Variants in PLXNA4 observed in about 807,000 individuals in gnomAD.
PLXNA4 encodes the protein plexin-A4.
Under a neutral mutation model 191.8 loss-of-function variants are expected in PLXNA4, and 44 were observed. That is an observed-to-expected ratio of 0.23 (90% CI 0.18 to 0.29). The LOEUF is 0.29. Ranked by LOEUF, PLXNA4 falls within the 10% of genes least tolerant of loss-of-function variation. PLXNA4 has a pLI of 1.00. For synonymous variants in PLXNA4, 1,082 were observed against 1,009.5 expected (o/e 1.07, Z -1.36); for missense variants, 1,800 against 2,488.8 (o/e 0.72, Z 5.89).
intron 16 of PLXNA4, among the ~76,000 whole-genome samples, chr7:132,183,688 C>CT (rs1796785270): frequency 6.6e-6 from 1 of 152,230 alleles, no homozygotes; most frequent in Non-Finnish European, 1.5e-5. Context: ...GCATGGCTTT[C>CT]TACAGACGAT....
At chr7:132,243,739 C>T (rs1798956681) in intron 4 of PLXNA4, among the ~76,000 whole-genome samples, 1 of 146,848 alleles carries the variant, frequency 6.8e-6, no homozygotes, top group Non-Finnish European at 1.5e-5. Context: ...TGGTCTGGCA[C>T]TTTATAAGTG....
intron 1 of PLXNA4, among the ~76,000 whole-genome samples, chr7:132,559,441 G>C (rs1030232496): frequency 4.6e-5 from 7 of 152,220 alleles, no homozygotes; most frequent in Non-Finnish European, 1.0e-4. Flanking sequence ...CAATTTTGCA[G>C]CTAAAGACAT....
At chr7:132,369,779 T>C (rs1303592731) in intron 3 of PLXNA4, among the ~76,000 whole-genome samples, 1 of 151,208 alleles carries the variant, frequency 6.6e-6, no homozygotes, top group East Asian at 2.0e-4. Context: ...TATAAAAAGA[T>C]GATATGCGGC....
In PLXNA4 at chr7:132,127,593, G is replaced by GAAGAT. The variant is rs1794804526; in HGVS notation, c.*2881_*2885dup. On this transcript the variant is annotated 3_prime_UTR_variant, in exon 32 of 32. Coordinates refer to ENST00000321063, the MANE Select transcript of PLXNA4 (RefSeq NM_020911.2). ...CGGAAGAAATGGAAAACAAACAGCAGAAGATAATTTTTATAAGCAAGATGG... is the reference window on the plus strand; with the variant it reads ...CGGAAGAAATGGAAAACAAACAGCAGAAGATAAGATAATTTTTATAAGCAAGATGG... 3.3e-5 allele frequency: 5 copies of GAAGAT among 152,180 alleles called. No individual in the cohort carries two copies. Among genetic ancestry groups the GAAGAT allele is most frequent in the Admixed American group, 3.3e-4 (5 of 15,272 alleles). 9.4% of individuals were successfully genotyped at this position (152,180 alleles called of 1,614,324 possible). A position where few individuals can be genotyped will look rare whatever the true frequency, so the allele number is the denominator to read the frequency against.
intron 3 of PLXNA4, among the ~76,000 whole-genome samples, chr7:132,318,838 C>T (rs1048558914): frequency 6.6e-6 from 1 of 152,000 alleles, no homozygotes; most frequent in Non-Finnish European, 1.5e-5. Context: ...TATGTGTGTG[C>T]GCGGGTCTCT....
chr7:132,538,502 T>C (rs977004730), intron 1 of PLXNA4, among the ~76,000 whole-genome samples: 1 of 152,260 alleles, frequency 6.6e-6, no homozygotes, highest in African/African-American at 2.4e-5. Flanking sequence ...TTGGGGGCTA[T>C]ACCTAAGGCT....
intron 3 of PLXNA4, among the ~76,000 whole-genome samples, chr7:132,348,212 C>G (rs1368814678): frequency 6.6e-6 from 1 of 152,182 alleles, no homozygotes; most frequent in East Asian, 1.9e-4. Flanking sequence ...TTGCCCAAAT[C>G]CCTTAACTTC....
At chr7:132,194,421 G>C (rs1440498904) in intron 13 of PLXNA4, among the ~76,000 whole-genome samples, 3 of 152,182 alleles carry the variant, frequency 2.0e-5, no homozygotes, top group Non-Finnish European at 4.4e-5. Flanking sequence ...CCTGTGTTCT[G>C]ACCCTAGATG....
At chr7:132,525,813 G>A (rs1398366533) in intron 1 of PLXNA4, among the ~76,000 whole-genome samples, 1 of 152,168 alleles carries the variant, frequency 6.6e-6, no homozygotes, top group Non-Finnish European at 1.5e-5. Context: ...AAGCAAGTAT[G>A]AGCAACACTG....
intron 3 of PLXNA4, among the ~76,000 whole-genome samples, chr7:132,405,280 C>T (rs550807497): frequency 7.2e-5 from 11 of 152,224 alleles, no homozygotes; most frequent in East Asian, 5.8e-4. Flanking sequence ...ACCGCAATGC[C>T]GAGTTTTGGG....
intron 5 of PLXNA4, among the ~76,000 whole-genome samples, chr7:132,230,990 C>A (rs1470123881): frequency 1.3e-5 from 2 of 152,136 alleles, no homozygotes; most frequent in African/African-American, 4.8e-5. Flanking sequence ...GATCTCAGGA[C>A]AAATTCTACC....
intron 3 of PLXNA4, among the ~76,000 whole-genome samples, chr7:132,304,072 C>G (rs1170678590): frequency 2.0e-5 from 3 of 152,160 alleles, no homozygotes; most frequent in Non-Finnish European, 4.4e-5. Context: ...GGGACAAAAT[C>G]TTTTAGATCA....
chr7:132,499,347 A>G (rs1798154800), intron 2 of PLXNA4, among the ~76,000 whole-genome samples: 1 of 152,266 alleles, frequency 6.6e-6, no homozygotes, highest in African/African-American at 2.4e-5. Context: ...TGCAGATGGC[A>G]TTATCCCTGG....
At chr7:132,284,256 T>TA (rs1030517059) in intron 4 of PLXNA4, among the ~76,000 whole-genome samples, 12 of 152,060 alleles carry the variant, frequency 7.9e-5, no homozygotes, top group South Asian at 2.1e-4. Flanking sequence ...GCTTTTGTTT[T>TA]AAAAAAAAGT....
chr7:132,386,188 G>A (rs950769765), intron 3 of PLXNA4, among the ~76,000 whole-genome samples: 1 of 152,122 alleles, frequency 6.6e-6, no homozygotes, highest in African/African-American at 2.4e-5. Flanking sequence ...GGAAGAAAAA[G>A]AATGAGTTTG....
intron 2 of PLXNA4, among the ~76,000 whole-genome samples, chr7:132,588,760 GAAAA>G (rs1406020496): frequency 1.4e-5 from 2 of 140,418 alleles, no homozygotes; most frequent in African/African-American, 2.6e-5. Context: ...GAGAAAGAGA[GAAAA>G]AGAAAGAAAG....
chr7:132,233,529 T>G (rs1256636662), intron 5 of PLXNA4, among the ~76,000 whole-genome samples: 1 of 152,204 alleles, frequency 6.6e-6, no homozygotes, highest in Non-Finnish European at 1.5e-5. Flanking sequence ...CTACTGTAAT[T>G]TTCCCTCTGC....
chr7:132,146,708 G>A lies in PLXNA4; in HGVS notation c.4865-8C>T, dbSNP rs1795445427. Reference sequence around the variant, plus strand: ...TGTACCGGATCATGTTTTCTGCCAAGGCAAGGATCACCCCCCGACATATGT... The same window carrying A: ...TGTACCGGATCATGTTTTCTGCCAAAGCAAGGATCACCCCCCGACATATGT... On this transcript the variant is annotated splice_region_variant and splice_polypyrimidine_tract_variant and intron_variant, in intron 27 of 31. Transcript: ENST00000321063. 1 of 1,613,648 alleles carries A rather than the reference G, an allele frequency of 6.2e-7. No homozygotes were observed. The highest frequency in any genetic ancestry group is 1.3e-5 in the African/African-American group (1 of 74,928).
At chr7:132,560,971 C>A (rs1165431399) in intron 1 of PLXNA4, among the ~76,000 whole-genome samples, 3 of 152,096 alleles carry the variant, frequency 2.0e-5, no homozygotes, top group Non-Finnish European at 4.4e-5. Flanking sequence ...CTCCACGTGG[C>A]CCCCGCTGAA....
Sources: allele counts gnomAD v4.1 joint callset (sites outside exome capture counted in the v4.1 genomes callset), GRCh38; gene constraint gnomAD v4.1.1; transcripts MANE v1.5; gene names NCBI Gene and HGNC (gene_info 2026-07-23, HGNC 2026-07-21).